GLIS3: variants seen among roughly 807,000 people sequenced by gnomAD.
GLIS3 encodes the protein zinc finger protein GLIS3.
GLIS3 carries 53 observed loss-of-function variants against 78.6 expected under a neutral mutation model. The ratio of observed to expected loss-of-function variants is 0.67; its 90% CI spans 0.54 to 0.85. The LOEUF is 0.85. Among genes scored for constraint, GLIS3 ranks in the 40% least tolerant of loss-of-function variants. GLIS3 has a pLI of 0.00. For synonymous variants in GLIS3, 684 were observed against 509.9 expected, an observed-to-expected ratio of 1.34 and a Z score of -4.60; for missense variants, 1,703 against 1,231.1, an observed-to-expected ratio of 1.38 and a Z score of -5.74.
chr9:4,169,463 C>A (rs890798976), intron 2 of GLIS3, among the ~76,000 whole-genome samples: 2 of 152,190 alleles, frequency 1.3e-5, no homozygotes, highest in Non-Finnish European at 2.9e-5. Flanking sequence ...AGTCTCACAG[C>A]TACCACTTAA....
rs138475710 is a variant in GLIS3 at position 3,872,417 on chromosome 9, C to T, written c.2297+7010G>A. ...TTTCATGCTACTGTTAAAGACATAC[C>T]CAAGACTGGGCAATTTACAAAAGAA... On this transcript the variant is annotated intron_variant, in intron 8 of 10. Transcript: ENST00000381971. 9.5e-3 allele frequency among the ~76,000 whole-genome samples: 1,440 copies of T among 152,206 alleles called. 26 individuals carry two copies. Among genetic ancestry groups the T allele is most frequent in the African/African-American group, 0.033 (1,355 of 41,518 alleles).
At chr9:4,215,452 T>G (rs1385069778) in intron 2 of GLIS3, among the ~76,000 whole-genome samples, 1 of 152,142 alleles carries the variant, frequency 6.6e-6, no homozygotes, top group South Asian at 2.1e-4. Flanking sequence ...TTGTGGGGGA[T>G]GCACAAAGCC....
intron 2 of GLIS3, among the ~76,000 whole-genome samples, chr9:4,154,600 G>A (rs1394901464): frequency 8.9e-6 from 1 of 112,408 alleles, no homozygotes; most frequent in Non-Finnish European, 1.8e-5. Flanking sequence ...AACAGTCCTT[G>A]CGAATCAATG....
chr9:4,321,306 C>T (rs1341868230), intron 2 of GLIS3, among the ~76,000 whole-genome samples: 1 of 131,102 alleles, frequency 7.6e-6, no homozygotes, highest in Non-Finnish European at 1.5e-5. Flanking sequence ...CCTGTAGTCC[C>T]AGCTACTCGG....
intron 4 of GLIS3, among the ~76,000 whole-genome samples, chr9:4,081,605 G>A (rs1187397059): frequency 6.6e-6 from 1 of 152,176 alleles, no homozygotes; most frequent in Non-Finnish European, 1.5e-5. Context: ...CAACTAGTTG[G>A]AAATATATTT....
intron 1 of GLIS3, among the ~76,000 whole-genome samples, chr9:4,288,278 G>C (rs1380449777): frequency 2.6e-5 from 4 of 152,104 alleles, no homozygotes; most frequent in African/African-American, 9.7e-5. Context: ...TGTTTTCTGA[G>C]CACTCTGAAC....
At chr9:4,041,197 C>T (rs996374085) in intron 4 of GLIS3, among the ~76,000 whole-genome samples, 1 of 152,108 alleles carries the variant, frequency 6.6e-6, no homozygotes, top group Non-Finnish European at 1.5e-5. Flanking sequence ...TTAAAAGCCC[C>T]GGGGGATGTC....
intron 2 of GLIS3, among the ~76,000 whole-genome samples, chr9:4,325,823 T>A (rs1817589653): frequency 6.6e-6 from 1 of 152,172 alleles, no homozygotes; most frequent in Admixed American, 6.5e-5. Context: ...AATGATAGAC[T>A]GGATAAAGAA....
chr9:4,181,190 A>G (rs984759242), intron 2 of GLIS3, among the ~76,000 whole-genome samples: 4 of 152,210 alleles, frequency 2.6e-5, no homozygotes, highest in Non-Finnish European at 4.4e-5. Flanking sequence ...TCATTCAGAG[A>G]TGCTCCTTTA....
intron 4 of GLIS3, among the ~76,000 whole-genome samples, chr9:4,001,009 G>A (rs1341299190): frequency 6.6e-6 from 1 of 152,160 alleles, no homozygotes; most frequent in African/African-American, 2.4e-5. Context: ...GTAGCCAGGA[G>A]CTGTGTTTTC....
intron 2 of GLIS3, among the ~76,000 whole-genome samples, chr9:4,244,575 T>A (rs1012104331): frequency 6.6e-6 from 1 of 152,002 alleles, no homozygotes; most frequent in South Asian, 2.1e-4. Flanking sequence ...TCTCAAGGAA[T>A]TTTTTTTCTT....
the GLIS3 span, among the ~76,000 whole-genome samples, chr9:4,473,056 A>T: frequency 6.6e-6 from 1 of 152,198 alleles, no homozygotes; most frequent in African/African-American, 2.4e-5. Flanking sequence ...CAATGGTTGA[A>T]CTAATTTACA....
chr9:4,312,533 A>G (rs149671073), intron 2 of GLIS3, among the ~76,000 whole-genome samples: 451 of 152,364 alleles, frequency 3.0e-3, no homozygotes, highest in African/African-American at 0.011. Context: ...ATGTACATAC[A>G]TGCCAATTTT....
At chr9:3,841,953 C>G (rs1818744526) in intron 9 of GLIS3, among the ~76,000 whole-genome samples, 1 of 152,144 alleles carries the variant, frequency 6.6e-6, no homozygotes. Context: ...AATCTTTTGA[C>G]CAGGGCTACT....
At chr9:4,211,369 G>A (rs1204140392) in intron 2 of GLIS3, among the ~76,000 whole-genome samples, 1 of 152,194 alleles carries the variant, frequency 6.6e-6, no homozygotes, top group East Asian at 1.9e-4. Context: ...CACTGAAAAG[G>A]TCCCAAATTC....
intron 2 of GLIS3, among the ~76,000 whole-genome samples, chr9:4,244,023 C>A (rs1823571908): frequency 6.6e-6 from 1 of 152,218 alleles, no homozygotes; most frequent in Non-Finnish European, 1.5e-5. Context: ...CTCGCCTCAA[C>A]CCCCATGCAC....
intron 2 of GLIS3, among the ~76,000 whole-genome samples, chr9:4,149,494 G>C (rs1163656916): frequency 6.6e-6 from 1 of 152,212 alleles, no homozygotes; most frequent in Admixed American, 6.5e-5. Flanking sequence ...TTCTCCCAAA[G>C]CTGGAACTCA....
At chr9:4,297,189 G>T (rs940253390) in intron 1 of GLIS3, among the ~76,000 whole-genome samples, 2 of 152,062 alleles carry the variant, frequency 1.3e-5, no homozygotes, top group African/African-American at 4.8e-5. Context: ...TGAAACAGAA[G>T]TCTGGCTTAC....
chr9:3,885,102 G>T (rs1158862697), intron 7 of GLIS3, among the ~76,000 whole-genome samples: 3 of 152,328 alleles, frequency 2.0e-5, no homozygotes, highest in Admixed American at 6.5e-5. Flanking sequence ...CTTCAGGCAA[G>T]AAATTAACTG....
Sources: gnomAD v4.1 joint callset for allele counts (sites outside exome capture counted in the v4.1 genomes callset) on GRCh38, gnomAD v4.1.1 for gene constraint, MANE v1.5 for transcripts, NCBI Gene and HGNC (gene_info 2026-07-23, HGNC 2026-07-21) for gene names.